ANKRD31: variants seen among roughly 807,000 people sequenced by gnomAD.
ANKRD31 encodes ankyrin repeat domain-containing protein 31.
In ANKRD31, 147 loss-of-function variants were observed where a neutral mutation model predicts 186.0. The ratio of observed to expected loss-of-function variants is 0.79; its 90% CI spans 0.69 to 0.91. The LOEUF (loss-of-function observed/expected upper bound fraction) is 0.91. ANKRD31 is among the 40% of genes least tolerant of loss of function. ANKRD31 has a pLI of 0.00. For synonymous variants in ANKRD31, 673 were observed against 736.4 expected (o/e 0.91, Z 1.39); for missense variants, 1,986 against 2,148.8 (o/e 0.92, Z 1.50).
At chr5:75,102,946 C>T (rs755802718) in intron 22 of ANKRD31, among the ~76,000 whole-genome samples, 1 of 152,270 alleles carries the variant, frequency 6.6e-6, no homozygotes, top group Middle Eastern at 3.4e-3. Context: ...GTCCGATAAG[C>T]CCCAGTGAGA....
In ANKRD31 at chr5:75,210,847, G is replaced by A. The variant is rs530897573; in HGVS notation, c.307C>T (p.Arg103Ter). ...TILQSQDETE[R>*]NQALLQTRKN... ...ACTTACTGTAACAGAGCTTGATTTC[G>A]TTCTGTTTCATCTTGAGACTGCTAG... The change falls in exon 4 of 26, where the codon CGA becomes TGA. Residue 103 changes from arginine (R) to a stop codon, truncating the protein, a stop_gained. Transcript: ENST00000506364. LOFTEE classifies it high-confidence loss of function. The A allele has an allele frequency of 1.8e-5, 27 of 1,510,778 alleles. No homozygotes were observed. The highest frequency in any genetic ancestry group is 1.1e-4 in the African/African-American group (8 of 71,358). The allele number at this position is 1,510,778 out of a possible 1,614,324, so 93.6% of individuals were successfully genotyped here.
At chr5:75,096,848 C>T (rs1746368850) in intron 22 of ANKRD31, among the ~76,000 whole-genome samples, 1 of 76,318 alleles carries the variant, frequency 1.3e-5, no homozygotes, top group Non-Finnish European at 2.4e-5. Context: ...GTGTGATTTT[C>T]CCCACTCTGT....
Position 75,146,412 on chromosome 5 carries a change from T to G in ANKRD31, c.2999A>C (p.His1000Pro), listed in dbSNP as rs766659149. ...EQCIFGPSFD[H>P]SNGNPEQNSL... ...ATTTTGCTCAGGATTGCCATTTGAG[T>G]GATCAAAAGAAGGTCCAAATATGCA... The change falls in exon 14 of 26, where the codon CAC (histidine) becomes CCC (proline). Residue 1000 changes from histidine (H) to proline (P), a missense_variant. Physicochemically the swap from His to Pro is moderately conservative, Grantham distance 77 (BLOSUM62 -2). Transcript: ENST00000506364. The G allele has an allele frequency of 2.0e-6, 3 of 1,536,456 alleles. No individual in the cohort carries two copies. The South Asian group carries it at 3.6e-5, about 18-fold the overall frequency.
At position 75,084,322 on chromosome 5, in the gene ANKRD31, A is replaced by G; in HGVS notation, c.5525T>C (p.Ile1842Thr). ...LLRYVSEDAP[I>T]LPEPNSVPQQ... ...AGGTACTGAGTTTGGTTCTGGAAGT[A>G]TGGGTGCATCCTCAGAAACATACCT... Residue 1842 changes from isoleucine to threonine, a missense_variant, in exon 24 of 26, where the codon ATA becomes ACA. Physicochemically the swap from Ile to Thr is moderately conservative, Grantham distance 89 (BLOSUM62 -1). Transcript: ENST00000506364. 3.9e-6 allele frequency: 6 copies of G among 1,537,184 alleles called. No individual in the cohort carries two copies. Among genetic ancestry groups the G allele is most frequent in the Non-Finnish European group, 5.2e-6 (6 of 1,146,866 alleles).
chr5:75,171,666 A>G (rs1448888837), intron 10 of ANKRD31, among the ~76,000 whole-genome samples: 1 of 151,782 alleles, frequency 6.6e-6, no homozygotes, highest in Admixed American at 6.6e-5. Context: ...TCGATTCTTG[A>G]AAAAAATCAA....
chr5:75,076,037 A>C (rs1203889891), intron 25 of ANKRD31, among the ~76,000 whole-genome samples: 1 of 139,078 alleles, frequency 7.2e-6, no homozygotes, highest in Non-Finnish European at 1.5e-5. Context: ...GGAATGAAAC[A>C]TTGCTTACTC....
intron 3 of ANKRD31, among the ~76,000 whole-genome samples, chr5:75,220,697 A>G (rs984448769): frequency 6.6e-6 from 1 of 152,098 alleles, no homozygotes; most frequent in Non-Finnish European, 1.5e-5. Flanking sequence ...ACAAGAAGAC[A>G]TATACGTGGC....
chr5:75,114,245 T>G (rs1345174062), intron 19 of ANKRD31, among the ~76,000 whole-genome samples: 1 of 152,220 alleles, frequency 6.6e-6, no homozygotes, highest in East Asian at 1.9e-4. Context: ...CTTCTCTGTC[T>G]GGATTCCAGA....
At chr5:75,193,897 T>A (rs1481642298) in intron 7 of ANKRD31, among the ~76,000 whole-genome samples, 1 of 152,082 alleles carries the variant, frequency 6.6e-6, no homozygotes, top group African/African-American at 2.4e-5. Flanking sequence ...AAATTTGGAA[T>A]GTAGAATGAT....
intron 22 of ANKRD31, among the ~76,000 whole-genome samples, chr5:75,096,469 C>T (rs1277743048): frequency 6.6e-6 from 1 of 152,006 alleles, no homozygotes; most frequent in Non-Finnish European, 1.5e-5. Context: ...GTTGCCTGTT[C>T]GCTCTAATGA....
chr5:75,141,397 A>G (rs1377142351), intron 15 of ANKRD31, among the ~76,000 whole-genome samples: 1 of 152,046 alleles, frequency 6.6e-6, no homozygotes, highest in Non-Finnish European at 1.5e-5. Flanking sequence ...TTTGAAAATT[A>G]TATCTCAGAT....
intron 10 of ANKRD31, among the ~76,000 whole-genome samples, chr5:75,182,189 G>C (rs1262660076): frequency 6.6e-6 from 1 of 152,122 alleles, no homozygotes; most frequent in Non-Finnish European, 1.5e-5. Flanking sequence ...GTTTCTTATA[G>C]AAGGTATGAA....
chr5:75,116,409 T>C (rs1265503433), intron 19 of ANKRD31, among the ~76,000 whole-genome samples, 157 bp downstream of exon 19: 1 of 151,620 alleles, frequency 6.6e-6, no homozygotes, highest in Non-Finnish European at 1.5e-5. Context: ...TAAAGTATAA[T>C]AATAATAAAA....
intron 18 of ANKRD31, among the ~76,000 whole-genome samples, chr5:75,117,076 C>T (rs1173581636): frequency 1.3e-5 from 2 of 152,120 alleles, no homozygotes; most frequent in African/African-American, 4.8e-5. Flanking sequence ...GGATTAATTG[C>T]CTCTGTAAAG....
chr5:75,224,198 G>C (rs1327323554), intron 2 of ANKRD31, among the ~76,000 whole-genome samples: 2 of 130,418 alleles, frequency 1.5e-5, no homozygotes, highest in African/African-American at 6.1e-5. Flanking sequence ...TCTTCCATTA[G>C]AATTCCAGAA....
chr5:75,081,905 T>G (rs1222933732), intron 24 of ANKRD31, among the ~76,000 whole-genome samples: 4 of 152,200 alleles, frequency 2.6e-5, no homozygotes, highest in Non-Finnish European at 5.9e-5. Flanking sequence ...ATAGTCAGGC[T>G]GGCTGTGTAA....
Position 75,202,610 on chromosome 5 carries a change from A to G in ANKRD31, c.404-2936T>C, listed in dbSNP as rs145622212. On this transcript the variant is annotated intron_variant, in intron 5 of 25. Transcript: ENST00000506364. ...ACACAGGTGTTTTAAGGCCAAAGCT[A>G]TTATATTTGCTTAAGGCAGTTTGCT... Among the ~76,000 whole-genome samples, 21 of 152,356 alleles carry G rather than the reference A, an allele frequency of 1.4e-4. No homozygotes were observed. In the East Asian group the frequency reaches 3.9e-3, roughly 28 times the overall value.
At chr5:75,137,368 G>A (rs1046473831) in intron 17 of ANKRD31, among the ~76,000 whole-genome samples, 6 of 152,064 alleles carry the variant, frequency 3.9e-5, no homozygotes, top group Middle Eastern at 6.8e-3. Context: ...AATGATCCTC[G>A]TAATCTTTTC....
rs1445916433 is a variant in ANKRD31, at chr5:75,206,392, C to T, written c.403+19G>A. 19 of 1,405,322 alleles carry T rather than the reference C, an allele frequency of 1.4e-5. No individual in the cohort carries two copies. The highest frequency in any genetic ancestry group is 1.7e-5 in the Non-Finnish European group (18 of 1,082,996). 87.1% of individuals were successfully genotyped at this position (1,405,322 alleles called of 1,614,324 possible). A position where few individuals can be genotyped will look rare whatever the true frequency, so the allele number is the denominator to read the frequency against. ...GCAAAGACTAATTTCCTTTATATGA[C>T]TCTACCATGAAAACATACCTTCAAT... On this transcript the variant is annotated intron_variant, in intron 5 of 25. Transcript: ENST00000506364.
Sources: gnomAD v4.1 joint callset for allele counts (sites outside exome capture counted in the v4.1 genomes callset) on GRCh38, gnomAD v4.1.1 for gene constraint, MANE v1.5 for transcripts, NCBI Gene and HGNC (gene_info 2026-07-23, HGNC 2026-07-21) for gene names.